The following NTAQ1 variants were observed in gnomAD, a reference collection of about 807,000 sequenced individuals.
The protein encoded by NTAQ1 is protein N-terminal glutamine amidohydrolase.
NTAQ1 carries 21 observed loss-of-function variants against 28.2 expected under a neutral mutation model. The observed-to-expected ratio is 0.74, with a 90% CI of 0.53 to 1.07. The LOEUF is 1.07. Among genes scored for constraint, NTAQ1 ranks in the 50% least tolerant of loss-of-function variants. NTAQ1 has a pLI of 0.00. For missense variants in NTAQ1, 264 were observed against 256.6 expected, an observed-to-expected ratio of 1.03 and a Z score of -0.20; for synonymous variants, 105 against 90.0, an observed-to-expected ratio of 1.17 and a Z score of -0.94.
intron 1 of NTAQ1, among the ~76,000 whole-genome samples, chr8:123,417,920 C>A (rs550561177): frequency 1.3e-5 from 2 of 152,272 alleles, no homozygotes; most frequent in South Asian, 4.1e-4. Flanking sequence ...GAAACTGGAA[C>A]CTCTTCGTGA....
At chr8:123,463,621 G>A (rs1325964018) in intron 6 of NTAQ1, among the ~76,000 whole-genome samples, 1 of 152,190 alleles carries the variant, frequency 6.6e-6, no homozygotes, top group Non-Finnish European at 1.5e-5. Flanking sequence ...GTGGTATACA[G>A]AATTCATCAA....
intron 3 of NTAQ1, among the ~76,000 whole-genome samples, chr8:123,434,655 GA>G (rs1184992169): frequency 6.6e-6 from 1 of 152,058 alleles, no homozygotes; most frequent in Non-Finnish European, 1.5e-5. Context: ...CCTGTAATAT[GA>G]ATTAGAAGAT....
intron 3 of NTAQ1, 104 bp downstream of exon 3, chr8:123,430,137 C>T: frequency 1.4e-6 from 1 of 723,108 alleles, no homozygotes; most frequent in East Asian, 2.8e-5. Context: ...TAGAGAAAGG[C>T]TATGGTAATT....
intron 2 of NTAQ1, among the ~76,000 whole-genome samples, chr8:123,428,902 A>G (rs958170880): frequency 6.7e-6 from 1 of 150,228 alleles, no homozygotes; most frequent in Non-Finnish European, 1.5e-5. Context: ...GTGCCTGGCC[A>G]TTTTTTTTTC....
rs116814874 is a variant in NTAQ1, at chr8:123,426,091, G to A, written c.84-1833G>A. On this transcript the variant is annotated intron_variant, in intron 1 of 5. Transcript: ENST00000287387. ...GCCACATTCTGTGAACAGAGTGTTA[G>A]TGTACCTCATTTTGAGCAAAGGTGC... Among the ~76,000 whole-genome samples, 983 of 152,320 alleles carry A rather than the reference G, an allele frequency of 6.5e-3. 17 individuals are homozygous for A. Among genetic ancestry groups the A allele is most frequent in the African/African-American group, 0.023 (939 of 41,570 alleles).
intron 3 of NTAQ1, among the ~76,000 whole-genome samples, chr8:123,434,859 G>T (rs118154341): frequency 4.3e-4 from 66 of 152,100 alleles, no homozygotes; most frequent in Non-Finnish European, 6.5e-4. Flanking sequence ...GTTTGGGGGC[G>T]TGGAGGATAG....
rs1815066709 is a variant in NTAQ1, at chr8:123,441,472, T to G, written c.*57T>G. The G allele has an allele frequency of 2.9e-6, 4 of 1,372,332 alleles. No homozygotes were observed. The East Asian group carries it at 1.0e-4, about 34-fold the overall frequency. 85.0% of individuals were successfully genotyped at this position (1,372,332 alleles called of 1,614,324 possible). ...ATTCTAGGACATGAACAAGCTATCCTTTCATCGAGGACAGCAAACATTATG... is the reference window on the plus strand; with the variant it reads ...ATTCTAGGACATGAACAAGCTATCCGTTCATCGAGGACAGCAAACATTATG... On this transcript the variant is annotated 3_prime_UTR_variant, in exon 6 of 6. Coordinates refer to ENST00000287387, the MANE Select transcript of NTAQ1 (RefSeq NM_018024.3).
At position 123,441,456 on chromosome 8, in the gene NTAQ1, C is replaced by A; in HGVS notation, c.*41C>A. 2 of 1,466,972 alleles carry A rather than the reference C, an allele frequency of 1.4e-6. No individual in the cohort carries two copies. The highest frequency in any genetic ancestry group is 1.4e-5 in the African/African-American group (1 of 71,018). The allele number at this position is 1,466,972 out of a possible 1,614,324, so 90.9% of individuals were successfully genotyped here. A position where few individuals can be genotyped will look rare whatever the true frequency, so the allele number is the denominator to read the frequency against. On this transcript the variant is annotated 3_prime_UTR_variant, in exon 6 of 6. Coordinates refer to ENST00000287387, the MANE Select transcript of NTAQ1 (RefSeq NM_018024.3). ...GTGGAACTGTGGAGAAATTCTAGGA[C>A]ATGAACAAGCTATCCTTTCATCGAG...
At chr8:123,429,879 CAAAAAA>C in intron 2 of NTAQ1, 98 bp from the exon 3 acceptor site, 1 of 335,348 alleles carries the variant, frequency 3.0e-6, no homozygotes, top group Non-Finnish European at 4.6e-6. Flanking sequence ...GACTCTGTCT[CAAAAAA>C]AAAAAAAAAA....
chr8:123,424,765 A>G (rs143408770), intron 1 of NTAQ1, among the ~76,000 whole-genome samples: 20 of 152,234 alleles, frequency 1.3e-4, no homozygotes, highest in South Asian at 1.0e-3. Context: ...ACTACAACCT[A>G]TACCTCTTCC....
exon 7 of NTAQ1, among the ~76,000 whole-genome samples, chr8:123,468,969 T>G (rs893245075): frequency 3.3e-5 from 5 of 152,220 alleles, no homozygotes; most frequent in African/African-American, 1.2e-4. Flanking sequence ...TTTCTGATGA[T>G]TAGTAATGCG....
intron 6 of NTAQ1, among the ~76,000 whole-genome samples, chr8:123,447,826 G>A (rs866606922): frequency 7.9e-5 from 12 of 152,326 alleles, no homozygotes; most frequent in African/African-American, 2.9e-4. Flanking sequence ...AGAGCTGGTA[G>A]ATTTGGCCCT....
the NTAQ1 span, among the ~76,000 whole-genome samples, chr8:123,475,539 A>G: frequency 1.3e-5 from 2 of 152,206 alleles, no homozygotes; most frequent in African/African-American, 4.8e-5. Flanking sequence ...TCTGTATTAT[A>G]AAATTATACA....
At chr8:123,456,817 TA>T (rs1376652122) in intron 6 of NTAQ1, among the ~76,000 whole-genome samples, 3 of 152,212 alleles carry the variant, frequency 2.0e-5, no homozygotes, top group Non-Finnish European at 4.4e-5. Context: ...ACAATCCAGA[TA>T]TTTATCTATA....
At chr8:123,450,940 T>C (rs557988288), downstream of NTAQ1, among the ~76,000 whole-genome samples, 3 of 152,338 alleles carry the variant, frequency 2.0e-5, no homozygotes, top group South Asian at 6.2e-4. Flanking sequence ...CACTTTGCAA[T>C]GGCCTCAGCA....
chr8:123,468,765 T>G (rs1816010451), exon 7 of NTAQ1, among the ~76,000 whole-genome samples: 1 of 152,222 alleles, frequency 6.6e-6, no homozygotes, highest in African/African-American at 2.4e-5. Context: ...AATTCTATTT[T>G]TAATTTTTTG....
rs115424891 is a variant in NTAQ1 at position 123,422,588 on chromosome 8, C to T, written c.84-5336C>T. On this transcript the variant is annotated intron_variant, in intron 1 of 5. Coordinates refer to ENST00000287387, the MANE Select transcript of NTAQ1 (RefSeq NM_018024.3). ...CTCACCATGCCTGGCTGTAGGTTGT[C>T]TATTTACTCCATTGATAGTTTTTTT... is the stretch of plus-strand genomic sequence containing the variant. Among the ~76,000 whole-genome samples, 970 of 147,088 alleles carry T rather than the reference C, an allele frequency of 6.6e-3. 17 individuals carry two copies. Among genetic ancestry groups the T allele is most frequent in the African/African-American group, 0.024 (925 of 39,230 alleles).
rs1813327398 is a variant in NTAQ1, at chr8:123,416,896, C to T, written c.47C>T (p.Pro16Leu). ...GCTGTCCACTACCAGCCGGCCAGCC[C>T]CCCGCGGGACGCCTGCGTCTACAGC... is the stretch of plus-strand genomic sequence containing the variant. ...PAAVHYQPASPPRDACVYSSC... is the reference protein window; with the variant it reads ...PAAVHYQPASLPRDACVYSSC... Residue 16 changes from proline to leucine, a missense_variant, in exon 1 of 6, where the codon CCC (proline) becomes CTC (leucine). Transcript: ENST00000287387. 2.0e-6 allele frequency: 3 copies of T among 1,526,484 alleles called. No homozygotes were observed. The highest frequency in any genetic ancestry group is 2.6e-6 in the Non-Finnish European group (3 of 1,137,826). The allele number at this position is 1,526,484 out of a possible 1,614,324, so 94.6% of individuals were successfully genotyped here.
At chr8:123,424,602 A>G (rs1376626092) in intron 1 of NTAQ1, among the ~76,000 whole-genome samples, 5 of 62,498 alleles carry the variant, frequency 8.0e-5, no homozygotes, top group Admixed American at 5.4e-4. Flanking sequence ...TTGAACTCCC[A>G]ACCTCAGGTG....
Sources: allele counts gnomAD v4.1 joint callset (sites outside exome capture counted in the v4.1 genomes callset), GRCh38; gene constraint gnomAD v4.1.1; transcripts MANE v1.5; gene names NCBI Gene and HGNC (gene_info 2026-07-23, HGNC 2026-07-21).